Variants in MYH16 observed in about 807,000 individuals in gnomAD.
The protein encoded by MYH16 is putative uncharacterized protein MYH16.
intron 19 of MYH16, among the ~76,000 whole-genome samples, chr7:99,271,693 C>T (rs1328942895): frequency 6.6e-6 from 1 of 152,076 alleles, no homozygotes. Flanking sequence ...GGATATCCAT[C>T]GCCTTAAATT....
intron 35 of MYH16, 43 bp from the exon 17 acceptor site, chr7:99,297,849 A>G (rs1792525171): frequency 2.2e-6 from 1 of 456,728 alleles, no homozygotes; most frequent in Non-Finnish European, 4.4e-6. Context: ...CAGGCACTGC[A>G]CATCTTCTTG....
chr7:99,267,259 T>G (rs1791997029), intron 18 of MYH16, among the ~76,000 whole-genome samples: 2 of 152,206 alleles, frequency 1.3e-5, no homozygotes, highest in Admixed American at 6.5e-5. Context: ...TTTGTTTTGT[T>G]TGAGACAGGG....
intron 23 of MYH16, 28 bp from the exon 6 acceptor site, chr7:99,283,537 G>T: frequency 2.2e-6 from 1 of 455,292 alleles, no homozygotes. Flanking sequence ...GGGCCTCGTG[G>T]CACTCACGTG....
downstream of MYH16, among the ~76,000 whole-genome samples, chr7:99,309,971 G>A (rs1240921031): frequency 4.0e-5 from 6 of 151,878 alleles, no homozygotes; most frequent in African/African-American, 7.3e-5. Context: ...GCAGTGAGCC[G>A]AGATTGTGCC....
At chr7:99,244,643 G>T (rs1156769845) in intron 2 of MYH16, among the ~76,000 whole-genome samples, 1 of 152,118 alleles carries the variant, frequency 6.6e-6, no homozygotes, top group Non-Finnish European at 1.5e-5. Context: ...CTAGATTCAG[G>T]CCCCAGTAGT....
At chr7:99,283,907 G>A (rs761343393) in exon 25 of MYH16, 7 of 456,406 alleles carry the variant, frequency 1.5e-5, no homozygotes, top group East Asian at 1.4e-4. Context: ...AAGAAAATCC[G>A]GGCGGAGGTG....
intron 5 of MYH16, among the ~76,000 whole-genome samples, chr7:99,250,847 GC>G (rs1791801416): frequency 6.6e-6 from 1 of 152,192 alleles, no homozygotes; most frequent in African/African-American, 2.4e-5. Flanking sequence ...CCAAGTGGCT[GC>G]CCGTGTCCCC....
At chr7:99,239,688 A>G (rs560736373) in intron 1 of MYH16, among the ~76,000 whole-genome samples, 1 of 152,298 alleles carries the variant, frequency 6.6e-6, no homozygotes, top group East Asian at 1.9e-4. Context: ...ACACTAAACA[A>G]TGAGGGATTT....
In MYH16 at chr7:99,294,518, A is replaced by AG. The variant is rs1429977540; in HGVS notation, n.4282+368_4282+369insG. On this transcript the variant is annotated intron_variant and non_coding_transcript_variant, in intron 33 of 41. Transcript: ENST00000439784. ...CCTGTCTCAAAAAAAAAAAAAAAAA[A>AG]AAAAAAGAAAAAGAAAAAGAAAAAA... 1.1e-3 allele frequency among the ~76,000 whole-genome samples: 153 copies of AG among 134,526 alleles called. 1 individual carries two copies. Among genetic ancestry groups the AG allele is most frequent in the African/African-American group, 4.0e-3 (122 of 30,342 alleles). 88.3% of individuals were successfully genotyped at this position (134,526 alleles called of 152,430 possible).
rs181178570 is a variant in MYH16 at position 99,284,940 on chromosome 7, G to A, written n.3316+5G>A. On this transcript the variant is annotated splice_donor_5th_base_variant and intron_variant and non_coding_transcript_variant, in intron 26 of 41. Coordinates refer to ENST00000439784, the Ensembl canonical transcript of MYH16. Reference sequence around the variant, plus strand: ...CGGAAACTGAAGGAGCACCAGGTATGTCCAGGACCGAGAAGCATGAGCTCT... The same window carrying A: ...CGGAAACTGAAGGAGCACCAGGTATATCCAGGACCGAGAAGCATGAGCTCT... The A allele has an allele frequency of 3.5e-5, 16 of 456,678 alleles. No individual in the cohort carries two copies. Among genetic ancestry groups the A allele is most frequent in the Middle Eastern group, 3.3e-4 (1 of 3,040 alleles). 28.3% of individuals were successfully genotyped at this position (456,678 alleles called of 1,614,324 possible). A position where few individuals can be genotyped will look rare whatever the true frequency, so the allele number is the denominator to read the frequency against.
At chr7:99,248,669 G>A (rs894906987) in intron 3 of MYH16, among the ~76,000 whole-genome samples, 7 of 152,266 alleles carry the variant, frequency 4.6e-5, no homozygotes, top group African/African-American at 1.7e-4. Flanking sequence ...ACAGGCATGA[G>A]TCATGCTGTC....
At chr7:99,270,305 C>T (rs946594424) in intron 18 of MYH16, among the ~76,000 whole-genome samples, 7 of 150,988 alleles carry the variant, frequency 4.6e-5, no homozygotes, top group African/African-American at 7.3e-5. Context: ...ATAACCAGAC[C>T]TCATCTCAGA....
chr7:99,299,922 TTTTATTTTATTTA>T (rs1228812127), intron 37 of MYH16, among the ~76,000 whole-genome samples: 10 of 143,946 alleles, frequency 6.9e-5, no homozygotes, highest in East Asian at 2.0e-4. Flanking sequence ...TAGATTTTTA[TTTTATTTTATTTA>T]TTTATTTATT....
chr7:99,256,785 T>A lies in MYH16; in HGVS notation n.997-517T>A, dbSNP rs191684980. Among the ~76,000 whole-genome samples the A allele has an allele frequency of 2.4e-3, 366 of 151,696 alleles. 1 individual carries two copies. Among genetic ancestry groups the A allele is most frequent in the Admixed American group, 3.2e-3 (49 of 15,242 alleles). ...GGGAGGACTCCATCTATAAATAAAT[T>A]AATTAATTAAACAAAATTAGCCAGG... On this transcript the variant is annotated intron_variant and non_coding_transcript_variant, in intron 9 of 41. Coordinates refer to ENST00000439784, the Ensembl canonical transcript of MYH16.
At chr7:99,291,813 G>T (rs1792383931) in intron 31 of MYH16, among the ~76,000 whole-genome samples, 1 of 152,106 alleles carries the variant, frequency 6.6e-6, no homozygotes, top group South Asian at 2.1e-4. Context: ...ACAAAAATTA[G>T]CTGGGCATGG....
At chr7:99,260,285 T>G in exon 12 of MYH16, 1 of 1,567,960 alleles carries the variant, frequency 6.4e-7, no homozygotes, top group Non-Finnish European at 8.8e-7. Flanking sequence ...GAGTGGGTCT[T>G]CATCGACTTT....
intron 20 of MYH16, among the ~76,000 whole-genome samples, chr7:99,273,919 G>A (rs1792078616): frequency 6.6e-6 from 1 of 151,534 alleles, no homozygotes; most frequent in Non-Finnish European, 1.5e-5. Flanking sequence ...AAGGGAGAGA[G>A]GAAAGGAAAG....
At chr7:99,247,641 G>A in exon 3 of MYH16, 1 of 191,248 alleles carries the variant, frequency 5.2e-6, no homozygotes. Context: ...ACAAGTGGCT[G>A]CCCATCTACG....
chr7:99,268,374 T>C (rs1332951465), intron 18 of MYH16, among the ~76,000 whole-genome samples: 1 of 152,212 alleles, frequency 6.6e-6, no homozygotes, highest in African/African-American at 2.4e-5. Flanking sequence ...GGAGGTGGCA[T>C]GCCCAACTTC....
Sources: gnomAD v4.1 joint callset for allele counts (sites outside exome capture counted in the v4.1 genomes callset) on GRCh38, gnomAD v4.1.1 for gene constraint, MANE v1.5 for transcripts, NCBI Gene and HGNC (gene_info 2026-07-23, HGNC 2026-07-21) for gene names.